PHACTR2: variants seen among roughly 807,000 people sequenced by gnomAD.
PHACTR2 encodes the protein phosphatase and actin regulator 2, also known as chromosome 6 open reading frame 56.
A neutral mutation model predicts 76.0 loss-of-function variants in PHACTR2; 30 were observed. The observed-to-expected ratio is 0.39, with a 90% CI of 0.30 to 0.54. PHACTR2 has a LOEUF of 0.54. Ranked by LOEUF, PHACTR2 falls within the 20% of genes least tolerant of loss-of-function variation. PHACTR2 has a pLI of 0.61. For missense variants in PHACTR2, 696 were observed against 781.1 expected, an observed-to-expected ratio of 0.89 and a Z score of 1.30; for synonymous variants, 292 against 292.5, an observed-to-expected ratio of 1.00 and a Z score of 0.02.
chr6:143,660,671 C>G (rs1264132600), intron 1 of PHACTR2, among the ~76,000 whole-genome samples: 1 of 152,144 alleles, frequency 6.6e-6, no homozygotes, highest in African/African-American at 2.4e-5. Flanking sequence ...TGAAACATGG[C>G]CTCCAAATAA....
rs1374284356 is a variant in PHACTR2, at chr6:143,585,775, A to C, written c.217+48568A>C. Among the ~76,000 whole-genome samples, 1 of 152,226 alleles carries C rather than the reference A, an allele frequency of 6.6e-6. No individual in the cohort carries two copies. Among genetic ancestry groups the C allele is most frequent in the African/African-American group, 2.4e-5 (1 of 41,466 alleles). Reference sequence around the variant, plus strand: ...CTCCTCAAAATGATGTGGGAGAATAAGACTTCTTAGGTAATTTCTGTTTCA... The same window carrying C: ...CTCCTCAAAATGATGTGGGAGAATACGACTTCTTAGGTAATTTCTGTTTCA... On this transcript the variant is annotated intron_variant, in intron 1 of 11. Transcript: ENST00000367584. This position sits in a 1 kb window ranked among gnomAD's most constrained non-coding sequence, Gnocchi z 5.2.
chr6:143,739,768 A>G lies in PHACTR2; in HGVS notation c.215-9217A>G, dbSNP rs1778899816. On this transcript the variant is annotated intron_variant, in intron 2 of 12. Transcript: ENST00000440869. The surrounding 1 kb of genome is among the most constrained non-coding windows in gnomAD (Gnocchi z 4.3). ...GGACCTTTATTCCTTCGGAATTAGA[A>G]CCATAGGTCCCCATGGGCTGATCTC... Among the ~76,000 whole-genome samples the G allele has an allele frequency of 6.6e-6, 1 of 152,280 alleles. No homozygotes were observed. The highest frequency in any genetic ancestry group is 2.4e-5 in the African/African-American group (1 of 41,570).
chr6:143,613,550 T>G (rs2128438274), intron 1 of PHACTR2, among the ~76,000 whole-genome samples: 2 of 152,282 alleles, frequency 1.3e-5, no homozygotes, highest in East Asian at 3.9e-4. Context: ...AAAGTCTTTG[T>G]TTTTGAAATG....
chr6:143,824,023 A>G lies in PHACTR2; in HGVS notation c.*334A>G. The G allele has an allele frequency of 9.0e-6, 2 of 221,178 alleles. No individual in the cohort carries two copies. The highest frequency in any genetic ancestry group is 1.7e-4 in the South Asian group (1 of 5,772). 13.7% of individuals were successfully genotyped at this position (221,178 alleles called of 1,614,324 possible). A position where few individuals can be genotyped will look rare whatever the true frequency, so the allele number is the denominator to read the frequency against. On this transcript the variant is annotated 3_prime_UTR_variant, in exon 13 of 13. Coordinates refer to ENST00000440869, the MANE Select transcript of PHACTR2 (RefSeq NM_001100164.2). The surrounding 1 kb of genome is among the most constrained non-coding windows in gnomAD (Gnocchi z 6.3). ...CTGTTACCAGAAAGCCAAATTTTAT[A>G]ATGCGGGTGAAAGAAAAATATAGAT...
In PHACTR2 at chr6:143,780,568, T is replaced by C. The variant is rs1403788446; in HGVS notation, c.1646-2651T>C. On this transcript the variant is annotated intron_variant, in intron 9 of 12. Coordinates refer to ENST00000440869, the MANE Select transcript of PHACTR2 (RefSeq NM_001100164.2). The surrounding 1 kb of genome is among the most constrained non-coding windows in gnomAD (Gnocchi z 4.4). ...TATCTGAATTAACAACTCAAGAAGA[T>C]AATACTCCAATTGCTGGTATTTTTA... 1.3e-5 allele frequency among the ~76,000 whole-genome samples: 2 copies of C among 152,276 alleles called. No individual in the cohort carries two copies. Among genetic ancestry groups the C allele is most frequent in the African/African-American group, 4.8e-5 (2 of 41,478 alleles).
intron 1 of PHACTR2, among the ~76,000 whole-genome samples, chr6:143,692,723 CA>C (rs1777674067): frequency 6.6e-6 from 1 of 152,164 alleles, no homozygotes; most frequent in South Asian, 2.1e-4. Context: ...TTCCTTCTTT[CA>C]AGTGGGCTGA....
At position 143,572,146 on chromosome 6, in the gene PHACTR2, G is replaced by A. The variant is rs546790518; in HGVS notation, c.217+34939G>A. ...AGGTCCAATATCTTTTAGACTTTTT[G>A]TTGTTGTAGACTTTGTTTTTTGCTA... On this transcript the variant is annotated intron_variant, in intron 1 of 11. Coordinates refer to the PHACTR2 transcript ENST00000367584. Among the ~76,000 whole-genome samples, 148 of 152,236 alleles carry A rather than the reference G, an allele frequency of 9.7e-4. 1 individual carries two copies. The highest frequency in any genetic ancestry group is 3.3e-3 in the African/African-American group (136 of 41,540).
chr6:143,742,543 A>T lies in PHACTR2; in HGVS notation c.215-6442A>T, dbSNP rs913052169. On this transcript the variant is annotated intron_variant, in intron 2 of 12. Transcript: ENST00000440869. The surrounding 1 kb of genome is among the most constrained non-coding windows in gnomAD (Gnocchi z 4.5). ...CCTCTCTGAACCAGTCACCAGTGCCAGGGAGAAACTGGGCTCTGATTGGAT... is the reference window on the plus strand; with the variant it reads ...CCTCTCTGAACCAGTCACCAGTGCCTGGGAGAAACTGGGCTCTGATTGGAT... Among the ~76,000 whole-genome samples, 1 of 152,212 alleles carries T rather than the reference A, an allele frequency of 6.6e-6. No individual in the cohort carries two copies. Among genetic ancestry groups the T allele is most frequent in the Non-Finnish European group, 1.5e-5 (1 of 68,038 alleles).
rs1776142226 is a variant in PHACTR2, at chr6:143,809,930, A to G, written c.1922+2797A>G. ...AGTTCGAGACCAGCCTGGACAACAT[A>G]GCAAACCCTGTCTCTACTAAAAATA... On this transcript the variant is annotated intron_variant, in intron 12 of 12. Coordinates refer to ENST00000440869, the MANE Select transcript of PHACTR2 (RefSeq NM_001100164.2). The surrounding 1 kb of genome is among the most constrained non-coding windows in gnomAD (Gnocchi z 4.2). Among the ~76,000 whole-genome samples, 1 of 151,966 alleles carries G rather than the reference A, an allele frequency of 6.6e-6. No homozygotes were observed. Among genetic ancestry groups the G allele is most frequent in the Non-Finnish European group, 1.5e-5 (1 of 67,996 alleles).
rs1240679961 is a variant in PHACTR2, at chr6:143,537,500, G to C, written c.217+293G>C. On this transcript the variant is annotated intron_variant, in intron 1 of 11. Coordinates refer to the PHACTR2 transcript ENST00000367584. The surrounding 1 kb of genome is among the most constrained non-coding windows in gnomAD (Gnocchi z 4.4). Reference sequence around the variant, plus strand: ...AGGGAGCGCTCCCTCTCGGCTGCACGGCGCCAGGCAGCACCGCAGCTTGGC... The same window carrying C: ...AGGGAGCGCTCCCTCTCGGCTGCACCGCGCCAGGCAGCACCGCAGCTTGGC... Among the ~76,000 whole-genome samples, 2 of 152,172 alleles carry C rather than the reference G, an allele frequency of 1.3e-5. No homozygotes were observed. Among genetic ancestry groups the C allele is most frequent in the African/African-American group, 4.8e-5 (2 of 41,452 alleles).
At position 143,541,368 on chromosome 6, in the gene PHACTR2, T is replaced by G. The variant is rs1781169634; in HGVS notation, c.217+4161T>G. On this transcript the variant is annotated intron_variant, in intron 1 of 11. Coordinates refer to the PHACTR2 transcript ENST00000367584. This position sits in a 1 kb window ranked among gnomAD's most constrained non-coding sequence, Gnocchi z 5.3. ...CAGCAAGTACCGACTGTTGGCCTAC[T>G]GGGTGCCAGGTGCTGTTCTGGACCT... Among the ~76,000 whole-genome samples the G allele has an allele frequency of 6.6e-6, 1 of 152,212 alleles. No homozygotes were observed. Among genetic ancestry groups the G allele is most frequent in the Non-Finnish European group, 1.5e-5 (1 of 68,032 alleles).
intron 1 of PHACTR2, among the ~76,000 whole-genome samples, chr6:143,707,945 A>G (rs1778090708): frequency 6.6e-6 from 1 of 152,100 alleles, no homozygotes; most frequent in South Asian, 2.1e-4. Flanking sequence ...CACACTTTTA[A>G]ACAACTGGAA....
intron 1 of PHACTR2, among the ~76,000 whole-genome samples, chr6:143,668,726 C>T (rs1404814481): frequency 1.3e-5 from 2 of 152,096 alleles, no homozygotes; most frequent in African/African-American, 4.8e-5. Flanking sequence ...GTAATATCCC[C>T]TTTATCATTT....
At chr6:143,716,718 A>G (rs1376882524) in intron 2 of PHACTR2, among the ~76,000 whole-genome samples, 8 of 152,206 alleles carry the variant, frequency 5.3e-5, no homozygotes, top group Non-Finnish European at 1.2e-4. Flanking sequence ...CTCAGGACAG[A>G]AACTTGCTAT....
rs1396523320 is a variant in PHACTR2 at position 143,751,405 on chromosome 6, A to G, written c.295+2340A>G. 6.6e-6 allele frequency among the ~76,000 whole-genome samples: 1 copy of G among 151,830 alleles called. No individual in the cohort carries two copies. The highest frequency in any genetic ancestry group is 2.4e-5 in the African/African-American group (1 of 41,300). On this transcript the variant is annotated intron_variant, in intron 3 of 12. Coordinates refer to ENST00000440869, the MANE Select transcript of PHACTR2 (RefSeq NM_001100164.2). This position sits in a 1 kb window ranked among gnomAD's most constrained non-coding sequence, Gnocchi z 5.7. ...TGCTTACCTCTGCTTTTTTCCCTCC[A>G]TCTTTTCCCTTAGCTTTTGACATGA...
chr6:143,765,007 C>T lies in PHACTR2; in HGVS notation c.695-254C>T, dbSNP rs1010347923. 6.6e-6 allele frequency among the ~76,000 whole-genome samples: 1 copy of T among 152,060 alleles called. No homozygotes were observed. Among genetic ancestry groups the T allele is most frequent in the African/African-American group, 2.4e-5 (1 of 41,394 alleles). On this transcript the variant is annotated intron_variant, in intron 5 of 12. Coordinates refer to ENST00000440869, the MANE Select transcript of PHACTR2 (RefSeq NM_001100164.2). This position sits in a 1 kb window ranked among gnomAD's most constrained non-coding sequence, Gnocchi z 4.1. The stretch of plus-strand genomic sequence containing the variant: ...TCCCTTTGGCTGGCTCAGCTAAAGA[C>T]TAAAGTGAGAGAAGACAGAGGACTC...
At chr6:143,638,067 T>C (rs1776494170) in intron 1 of PHACTR2, among the ~76,000 whole-genome samples, 1 of 152,246 alleles carries the variant, frequency 6.6e-6, no homozygotes, top group Non-Finnish European at 1.5e-5. Flanking sequence ...AACAATCTAA[T>C]GATTCCAGAG....
At chr6:143,706,713 T>C (rs960369656) in intron 1 of PHACTR2, among the ~76,000 whole-genome samples, 4 of 152,252 alleles carry the variant, frequency 2.6e-5, no homozygotes, top group African/African-American at 9.6e-5. Context: ...AAAAGGAAGA[T>C]ATTTGACCCA....
At chr6:143,763,156 C>T (rs561412747) in intron 5 of PHACTR2, among the ~76,000 whole-genome samples, 13 of 152,066 alleles carry the variant, frequency 8.5e-5, no homozygotes, top group African/African-American at 2.9e-4. Flanking sequence ...GTCAAGAGTT[C>T]GAGACCAGCC....
Sources: gnomAD v4.1 joint callset for allele counts (sites outside exome capture counted in the v4.1 genomes callset) on GRCh38, gnomAD v4.1.1 for gene constraint, Gnocchi (gnomAD v3.1) non-coding constraint, MANE v1.5 for transcripts, NCBI Gene and HGNC (gene_info 2026-07-23, HGNC 2026-07-21) for gene names.